The following CPNE4 variants were observed in gnomAD, a reference collection of about 807,000 sequenced individuals.
CPNE4 encodes the protein copine 4.
In CPNE4, 25 loss-of-function variants were observed where a neutral mutation model predicts 67.9. That is an observed-to-expected ratio of 0.37 (90% confidence interval 0.27 to 0.51). CPNE4 has a LOEUF of 0.51. Among genes scored for constraint, CPNE4 ranks in the 20% least tolerant of loss-of-function variants. The pLI is 0.93. For missense variants in CPNE4, 464 were observed against 690.8 expected, an observed-to-expected ratio of 0.67 and a Z score of 3.68; for synonymous variants, 242 against 244.9, an observed-to-expected ratio of 0.99 and a Z score of 0.11.
At chr3:131,815,473 A>G (rs556984452) in intron 2 of CPNE4, among the ~76,000 whole-genome samples, 5 of 152,338 alleles carry the variant, frequency 3.3e-5, no homozygotes, top group Non-Finnish European at 7.3e-5. Flanking sequence ...AGGCAGATAC[A>G]TCCTCTTGAT....
At chr3:131,638,272 C>G (rs1200000150) in intron 7 of CPNE4, among the ~76,000 whole-genome samples, 1 of 152,074 alleles carries the variant, frequency 6.6e-6, no homozygotes, top group Non-Finnish European at 1.5e-5. Context: ...ATTCACCAAC[C>G]AAGTTTCTGC....
At chr3:132,001,752 C>T (rs1336222152) in intron 1 of CPNE4, among the ~76,000 whole-genome samples, 2 of 152,022 alleles carry the variant, frequency 1.3e-5, no homozygotes, top group South Asian at 2.1e-4. Flanking sequence ...TTTCTATCCA[C>T]CCCACAAATA....
intron 2 of CPNE4, among the ~76,000 whole-genome samples, chr3:131,797,437 C>T (rs138692645): frequency 2.2e-4 from 34 of 152,212 alleles, no homozygotes; most frequent in South Asian, 1.9e-3. Flanking sequence ...CAGAGAACTC[C>T]CAGAGTGTGG....
chr3:131,743,910 C>CCGAGAT (rs1037087300), intron 2 of CPNE4, among the ~76,000 whole-genome samples: 1 of 124,114 alleles, frequency 8.1e-6, no homozygotes, highest in African/African-American at 3.0e-5. Flanking sequence ...TTGCAGTGAG[C>CCGAGAT]CGAGATCGCG....
intron 2 of CPNE4, among the ~76,000 whole-genome samples, chr3:131,776,113 A>C (rs1392781418): frequency 1.3e-5 from 2 of 152,124 alleles, no homozygotes; most frequent in Non-Finnish European, 2.9e-5. Context: ...CTTACCCTGG[A>C]GTATCTTCTG....
intron 2 of CPNE4, among the ~76,000 whole-genome samples, chr3:131,832,088 T>C (rs758181984): frequency 6.6e-6 from 1 of 152,224 alleles, no homozygotes; most frequent in Non-Finnish European, 1.5e-5. Context: ...CAAAGTTCTA[T>C]CTAATGGGCT....
chr3:131,998,546 C>T (rs868531482), intron 1 of CPNE4, among the ~76,000 whole-genome samples: 3 of 152,032 alleles, frequency 2.0e-5, no homozygotes, highest in Non-Finnish European at 4.4e-5. Flanking sequence ...AGGTATTGAA[C>T]GTGTTTGAGG....
chr3:131,876,653 A>AAAAAAAAAAAAG (rs762079430), intron 2 of CPNE4, among the ~76,000 whole-genome samples: 9 of 140,768 alleles, frequency 6.4e-5, no homozygotes, highest in South Asian at 2.2e-4. Flanking sequence ...AAAAAAAAAA[A>AAAAAAAAAAAAG]AAAGAAAGAA....
intron 3 of CPNE4, among the ~76,000 whole-genome samples, chr3:131,718,625 C>T (rs1318477426): frequency 6.6e-6 from 1 of 152,168 alleles, no homozygotes; most frequent in Non-Finnish European, 1.5e-5. Context: ...GTGAGACTCC[C>T]CTGCTTCACT....
chr3:132,018,612 A>G (rs2073934049), intron 1 of CPNE4, among the ~76,000 whole-genome samples: 1 of 152,180 alleles, frequency 6.6e-6, no homozygotes, highest in African/African-American at 2.4e-5. Context: ...GTCTGCTAGG[A>G]AAGACCATTT....
chr3:131,740,232 A>G lies in CPNE4; in HGVS notation c.181-16607T>C, dbSNP rs2082326331. Among the ~76,000 whole-genome samples the G allele has an allele frequency of 2.0e-5, 3 of 152,216 alleles. No homozygotes were observed. The South Asian group carries it at 6.2e-4, about 32-fold the overall frequency. On this transcript the variant is annotated intron_variant, in intron 2 of 15. Coordinates refer to ENST00000429747, the MANE Select transcript of CPNE4 (RefSeq NM_130808.3). ...TCAGGCAGGAACTCCTCATCTATGT[A>G]TAAGGAAATGTCTGTGTTCAGCTGT...
At chr3:131,840,808 G>C (rs2085747891) in intron 2 of CPNE4, among the ~76,000 whole-genome samples, 3 of 152,122 alleles carry the variant, frequency 2.0e-5, no homozygotes, top group African/African-American at 4.8e-5. Context: ...CCAACTCAGG[G>C]GAGTCTCAGG....
At chr3:131,616,186 T>G (rs949017824) in intron 7 of CPNE4, among the ~76,000 whole-genome samples, 42 of 152,186 alleles carry the variant, frequency 2.8e-4, no homozygotes, top group African/African-American at 9.6e-4. Flanking sequence ...AATCAGAACT[T>G]GAGACAGAGA....
chr3:131,980,075 G>A lies in CPNE4; in HGVS notation c.-2+54492C>T, dbSNP rs139633883. Among the ~76,000 whole-genome samples the A allele has an allele frequency of 7.2e-3, 1,099 of 152,240 alleles. 11 individuals carry two copies. The highest frequency in any genetic ancestry group is 0.026 in the African/African-American group (1,062 of 41,540). ...CTGCTGAGAAATTTGCTGTTAATCTGAAAGGTTTTCCTTTACATGTTACCT... is the reference window on the plus strand; with the variant it reads ...CTGCTGAGAAATTTGCTGTTAATCTAAAAGGTTTTCCTTTACATGTTACCT... On this transcript the variant is annotated intron_variant, in intron 1 of 15. Transcript: ENST00000429747.
intron 7 of CPNE4, among the ~76,000 whole-genome samples, chr3:131,591,552 C>G (rs1217760951): frequency 6.6e-6 from 1 of 152,166 alleles, no homozygotes; most frequent in Non-Finnish European, 1.5e-5. Flanking sequence ...AAGGGAGTGA[C>G]CAGCAGGCCT....
chr3:131,864,448 A>AT (rs970500438), intron 2 of CPNE4, among the ~76,000 whole-genome samples: 5 of 150,170 alleles, frequency 3.3e-5, no homozygotes, highest in East Asian at 3.9e-4. Context: ...ATTCCTAGTT[A>AT]TTTTTTTTTC....
intron 2 of CPNE4, among the ~76,000 whole-genome samples, chr3:131,862,916 T>C (rs1351806418): frequency 7.7e-4 from 116 of 151,042 alleles, no homozygotes; most frequent in African/African-American, 1.8e-3. Flanking sequence ...TGTCCATGTG[T>C]TCTCATTGTT....
chr3:131,861,402 TTGTGTGTGTGTGTG>T (rs5852659), intron 2 of CPNE4, among the ~76,000 whole-genome samples: 9,927 of 144,418 alleles, frequency 0.069, 487 homozygotes, highest in East Asian at 0.17. Context: ...TATCTCATCT[TTGTGTGTGTGTGTG>T]TGTGTGTGTG....
chr3:131,741,048 G>T (rs182087521), intron 2 of CPNE4, among the ~76,000 whole-genome samples: 85 of 152,066 alleles, frequency 5.6e-4, no homozygotes, highest in African/African-American at 1.9e-3. Flanking sequence ...GCTTTTTCTT[G>T]CACCCTATCT....
Sources: gnomAD v4.1 joint callset for allele counts (sites outside exome capture counted in the v4.1 genomes callset) on GRCh38, gnomAD v4.1.1 for gene constraint, MANE v1.5 for transcripts, NCBI Gene and HGNC (gene_info 2026-07-23, HGNC 2026-07-21) for gene names.